Variants in ERICH3 observed in about 807,000 individuals in gnomAD.
The protein encoded by ERICH3 is glutamate-rich protein 3.
In ERICH3, 126 loss-of-function variants were observed where a neutral mutation model predicts 131.1. The ratio of observed to expected loss-of-function variants is 0.96; its 90% CI spans 0.83 to 1.11. The LOEUF is 1.11. Among genes scored for constraint, ERICH3 ranks in the 50% most tolerant of loss-of-function variants. The pLI, the probability that ERICH3 is intolerant of heterozygous loss-of-function variation, is 0.00. For synonymous variants in ERICH3, 695 were observed against 644.6 expected (o/e 1.08, Z -1.18); for missense variants, 2,050 against 1,810.7 (o/e 1.13, Z -2.40).
chr1:74,606,253 A>G (rs1300415755), intron 10 of ERICH3, among the ~76,000 whole-genome samples: 2 of 151,992 alleles, frequency 1.3e-5, no homozygotes, highest in East Asian at 3.9e-4. Flanking sequence ...CATCAATTTC[A>G]TGAAAAACAG....
rs548738197 is a variant in ERICH3 at position 74,586,724 on chromosome 1, T to A, written c.2176+2907A>T. On this transcript the variant is annotated intron_variant, in intron 12 of 14. Transcript: ENST00000326665. ...CAACAATAAGGAAATGGCTAAATTA[T>A]GAGAAAACCACAGAATGGCATAACA... Among the ~76,000 whole-genome samples the A allele has an allele frequency of 4.3e-4, 66 of 152,196 alleles. No individual in the cohort carries two copies. The East Asian group carries it at 5.0e-3, about 12-fold the overall frequency.
In ERICH3 at chr1:74,668,034, A is replaced by T. The variant is rs114055368; in HGVS notation, c.23+5463T>A. Among the ~76,000 whole-genome samples the T allele has an allele frequency of 4.5e-3, 679 of 152,004 alleles. 4 individuals carry two copies. The highest frequency in any genetic ancestry group is 0.015 in the African/African-American group (625 of 41,458). On this transcript the variant is annotated intron_variant, in intron 1 of 14. Transcript: ENST00000326665. ...GTAAGACGTTCCTTGCTTCCCCTTC[A>T]CCTTCCACCATGATTGTAAGTTTCT... is the stretch of plus-strand genomic sequence containing the variant.
chr1:74,571,211 T>C lies in ERICH3; in HGVS notation c.4499A>G (p.Lys1500Arg). Residue 1500 changes from lysine to arginine, a missense_variant, in exon 14 of 15, where the codon AAG becomes AGG. Lys to Arg is a conservative substitution (Grantham distance 26, BLOSUM62 2). Transcript: ENST00000326665. ...SLQAMATLPV[K>R]PDFTETREKQ... ...CTCTCGGGTTTCAGTGAAATCAGGC[T>C]TCACTGGAAGTGTTGCCATCGCCTG... The C allele has an allele frequency of 6.2e-7, 1 of 1,614,102 alleles. No individual in the cohort carries two copies. Among genetic ancestry groups the C allele is most frequent in the Non-Finnish European group, 8.5e-7 (1 of 1,179,994 alleles).
chr1:74,627,621 T>C (rs558199149), intron 7 of ERICH3, among the ~76,000 whole-genome samples: 1 of 151,834 alleles, frequency 6.6e-6, no homozygotes, highest in East Asian at 1.9e-4. Flanking sequence ...ACCAAAAGAC[T>C]AAAAGTGAAA....
At chr1:74,656,728 T>C (rs994499991) in intron 1 of ERICH3, among the ~76,000 whole-genome samples, 1 of 152,132 alleles carries the variant, frequency 6.6e-6, no homozygotes, top group African/African-American at 2.4e-5. Context: ...ACTCCCTCAT[T>C]TTACATTCAG....
intron 1 of ERICH3, among the ~76,000 whole-genome samples, chr1:74,661,772 T>C (rs1646643849): frequency 6.6e-6 from 1 of 152,158 alleles, no homozygotes; most frequent in Non-Finnish European, 1.5e-5. Context: ...AGCCCCGTAT[T>C]TTTGAAGGAA....
chr1:74,605,892 CTT>C (rs1039668809), intron 10 of ERICH3, among the ~76,000 whole-genome samples: 4 of 151,744 alleles, frequency 2.6e-5, no homozygotes, highest in African/African-American at 9.7e-5. Flanking sequence ...TTGCCACAAA[CTT>C]TTAATTTATA....
intron 1 of ERICH3, among the ~76,000 whole-genome samples, chr1:74,672,742 G>A (rs938030483): frequency 7.0e-6 from 1 of 143,386 alleles, no homozygotes; most frequent in Non-Finnish European, 1.5e-5. Context: ...TTTAATTCAG[G>A]AGGAAATTGG....
At chr1:74,606,984 C>T in intron 9 of ERICH3, 82 bp from the exon 10 acceptor site, 1 of 1,273,952 alleles carries the variant, frequency 7.8e-7, no homozygotes, top group Non-Finnish European at 1.1e-6. Context: ...AAGCACTTAT[C>T]TCTTATTCCA....
intron 11 of ERICH3, among the ~76,000 whole-genome samples, chr1:74,595,720 C>T (rs1647815097): frequency 6.6e-6 from 1 of 152,044 alleles, no homozygotes; most frequent in African/African-American, 2.4e-5. Flanking sequence ...TAGAGAAACA[C>T]TTCATAGAAA....
At chr1:74,579,026 T>C (rs1056887819) in intron 12 of ERICH3, among the ~76,000 whole-genome samples, 2 of 152,218 alleles carry the variant, frequency 1.3e-5, no homozygotes, top group African/African-American at 4.8e-5. Flanking sequence ...AAAAGTTTTT[T>C]ACAATAAGAG....
rs1362150182 is a variant in ERICH3, at chr1:74,571,628, G to A, written c.4082C>T (p.Ala1361Val). The change falls in exon 14 of 15, where the codon GCA (alanine) becomes GTA (valine). Residue 1361 changes from alanine (A) to valine (V), a missense_variant. By Grantham distance (64) the Ala-to-Val change is moderately conservative. Transcript: ENST00000326665. ...TTTCTCCTCGGCTGTCTCCGAACCT[G>A]CCAACACCTCCCTCTCCTCTGCGGC... The part of the protein sequence containing the change: ...ETAAEEREVL[A>V]GSETAEEKTI... The A allele has an allele frequency of 6.2e-7, 1 of 1,613,984 alleles. No homozygotes were observed. Among genetic ancestry groups the A allele is most frequent in the Non-Finnish European group, 8.5e-7 (1 of 1,180,016 alleles).
chr1:74,584,999 C>A (rs1647265221), intron 12 of ERICH3, among the ~76,000 whole-genome samples: 1 of 152,124 alleles, frequency 6.6e-6, no homozygotes. Context: ...GTTCAAATTG[C>A]CTGGTCAAGC....
intron 8 of ERICH3, among the ~76,000 whole-genome samples, chr1:74,616,026 G>T (rs536558546): frequency 6.6e-6 from 1 of 152,158 alleles, no homozygotes; most frequent in Admixed American, 6.5e-5. Flanking sequence ...TTTTGAGAAG[G>T]ATTCTTGTTC....
intron 1 of ERICH3, among the ~76,000 whole-genome samples, chr1:74,672,440 A>G (rs1646750567): frequency 6.6e-6 from 1 of 152,226 alleles, no homozygotes; most frequent in Admixed American, 6.5e-5. Context: ...ATATGGCTTT[A>G]GTTTTTTCAA....
chr1:74,649,560 A>C (rs955779719), intron 1 of ERICH3, among the ~76,000 whole-genome samples: 2 of 152,128 alleles, frequency 1.3e-5, no homozygotes, highest in African/African-American at 4.8e-5. Context: ...ATCAACAAGT[A>C]AAGTGGATGG....
At chr1:74,586,410 C>A (rs1316735207) in intron 12 of ERICH3, 1 of 982,592 alleles carries the variant, frequency 1.0e-6, no homozygotes, top group Non-Finnish European at 1.2e-6. Flanking sequence ...CATGCACACA[C>A]CAAAAAATTG....
At chr1:74,587,388 G>T (rs573280548) in intron 12 of ERICH3, among the ~76,000 whole-genome samples, 11 of 149,374 alleles carry the variant, frequency 7.4e-5, no homozygotes, top group African/African-American at 2.5e-4. Context: ...TTGCCATCTT[G>T]TGTTGAATCC....
chr1:74,579,557 G>A (rs1242028962), intron 12 of ERICH3: 2 of 985,228 alleles, frequency 2.0e-6, no homozygotes, highest in South Asian at 4.7e-5. Flanking sequence ...AGCAAGAATG[G>A]GATGCTGGCC....
Sources: allele counts gnomAD v4.1 joint callset (sites outside exome capture counted in the v4.1 genomes callset), GRCh38; gene constraint gnomAD v4.1.1; transcripts MANE v1.5; gene names NCBI Gene and HGNC (gene_info 2026-07-23, HGNC 2026-07-21).